The following ARHGAP42 variants were observed in gnomAD, a reference collection of about 807,000 sequenced individuals.
The protein encoded by ARHGAP42 is rho GTPase-activating protein 42.
Under a neutral mutation model 125.0 loss-of-function variants are expected in ARHGAP42, and 63 were observed. The ratio of observed to expected loss-of-function variants is 0.50; its 90% confidence interval spans 0.41 to 0.62. The LOEUF (loss-of-function observed/expected upper bound fraction) is 0.62. ARHGAP42 is among the 20% of genes least tolerant of loss of function. The pLI is 0.00. For missense variants in ARHGAP42, 766 were observed against 1,024.2 expected (o/e 0.75, Z 3.44); for synonymous variants, 339 against 351.0 (o/e 0.97, Z 0.38).
At chr11:100,776,812 A>G (rs1036504828) in intron 2 of ARHGAP42, among the ~76,000 whole-genome samples, 3 of 151,920 alleles carry the variant, frequency 2.0e-5, no homozygotes, top group African/African-American at 4.8e-5. Context: ...GTGAAACCCC[A>G]TCTCTTCTAA....
chr11:100,794,969 T>C lies in ARHGAP42; in HGVS notation c.251-136T>C, dbSNP rs1293802719. 5 of 565,400 alleles carry C rather than the reference T, an allele frequency of 8.8e-6. No individual in the cohort carries two copies. In the East Asian group the frequency reaches 1.2e-4, roughly 14 times the overall value. 35.0% of individuals were successfully genotyped at this position (565,400 alleles called of 1,614,324 possible). On this transcript the variant is annotated intron_variant, in intron 2 of 23. Coordinates refer to ENST00000298815, the MANE Select transcript of ARHGAP42 (RefSeq NM_152432.4). Reference sequence around the variant, plus strand: ...ACAAACATAAAATCACAGAATATAGTATATTCAAATTAATAGTATACAGAA... The same window carrying C: ...ACAAACATAAAATCACAGAATATAGCATATTCAAATTAATAGTATACAGAA...
intron 6 of ARHGAP42, among the ~76,000 whole-genome samples, chr11:100,923,292 T>C (rs1483946743): frequency 6.6e-6 from 1 of 152,236 alleles, no homozygotes; most frequent in Non-Finnish European, 1.5e-5. Context: ...CCAAACCATC[T>C]GAGACTCCAT....
intron 3 of ARHGAP42, among the ~76,000 whole-genome samples, chr11:100,837,831 T>A (rs1412259548): frequency 6.6e-6 from 1 of 150,862 alleles, no homozygotes; most frequent in Non-Finnish European, 1.5e-5. Context: ...TTTTTGGCCA[T>A]CTTGGATTTA....
At chr11:100,882,575 T>A (rs1042017434) in intron 4 of ARHGAP42, among the ~76,000 whole-genome samples, 1 of 152,080 alleles carries the variant, frequency 6.6e-6, no homozygotes, top group Non-Finnish European at 1.5e-5. Context: ...TTTGGTTTTT[T>A]CCTTTCCTGG....
rs524811 is a variant in ARHGAP42, at chr11:100,988,708, G to A, written c.2537-5G>A. ...TGAGTGCTATTTATTTATTTATTTT[G>A]CCAGTGTACCCATCAGTGGAACCAG... On this transcript the variant is annotated splice_region_variant and splice_polypyrimidine_tract_variant and intron_variant, in intron 23 of 23. Coordinates refer to ENST00000298815, the MANE Select transcript of ARHGAP42 (RefSeq NM_152432.4). 0.15 allele frequency: 231,942 copies of A among 1,541,002 alleles called. 21,791 individuals carry two copies. Among genetic ancestry groups the A allele is most frequent in the East Asian group, 0.38 (15,391 of 40,742 alleles).
intron 17 of ARHGAP42, among the ~76,000 whole-genome samples, chr11:100,971,402 C>G (rs963657158): frequency 1.3e-5 from 2 of 152,106 alleles, no homozygotes; most frequent in South Asian, 4.1e-4. Context: ...TACATTTCCT[C>G]TTTTAATAAA....
At chr11:100,700,097 C>G (rs1242071874) in intron 1 of ARHGAP42, among the ~76,000 whole-genome samples, 1 of 152,078 alleles carries the variant, frequency 6.6e-6, no homozygotes, top group East Asian at 1.9e-4. Context: ...GTGAATATCA[C>G]AATACAGTGA....
At chr11:100,749,524 C>T (rs1015410504) in intron 1 of ARHGAP42, among the ~76,000 whole-genome samples, 1 of 152,106 alleles carries the variant, frequency 6.6e-6, no homozygotes, top group Non-Finnish European at 1.5e-5. Context: ...CCAGGGATGT[C>T]TCGCCTTGCC....
intron 3 of ARHGAP42, among the ~76,000 whole-genome samples, chr11:100,805,527 G>A (rs976390246): frequency 6.6e-6 from 1 of 152,148 alleles, no homozygotes; most frequent in African/African-American, 2.4e-5. Context: ...GACAGAATTT[G>A]GGGCGAGTCT....
chr11:100,890,617 A>G (rs1866193837), intron 4 of ARHGAP42, among the ~76,000 whole-genome samples: 1 of 152,236 alleles, frequency 6.6e-6, no homozygotes, highest in Non-Finnish European at 1.5e-5. Context: ...GTCACATTAT[A>G]TCGAATAGAT....
At chr11:100,956,966 A>G (rs1010382882) in intron 12 of ARHGAP42, among the ~76,000 whole-genome samples, 6 of 152,154 alleles carry the variant, frequency 3.9e-5, no homozygotes, top group East Asian at 3.8e-4. Context: ...TGAAATTTAC[A>G]TATGTAGAGA....
intron 3 of ARHGAP42, among the ~76,000 whole-genome samples, chr11:100,806,974 A>G (rs937891057): frequency 2.0e-5 from 3 of 151,592 alleles, no homozygotes; most frequent in South Asian, 2.1e-4. Context: ...TGACCTCCCA[A>G]GTAGCTGCCA....
chr11:100,945,517 A>C (rs1297537817), intron 10 of ARHGAP42, among the ~76,000 whole-genome samples: 2 of 152,108 alleles, frequency 1.3e-5, no homozygotes, highest in Admixed American at 1.3e-4. Context: ...CTTAAATAAT[A>C]AGACTCAGAA....
intron 1 of ARHGAP42, among the ~76,000 whole-genome samples, chr11:100,728,553 T>C (rs1324557667): frequency 1.3e-5 from 2 of 151,940 alleles, no homozygotes; most frequent in Non-Finnish European, 2.9e-5. Context: ...TGAGGAATAA[T>C]TGTAGCACTT....
chr11:100,829,726 T>C (rs1187845940), intron 3 of ARHGAP42, among the ~76,000 whole-genome samples: 1 of 152,248 alleles, frequency 6.6e-6, no homozygotes, highest in African/African-American at 2.4e-5. Context: ...TTGTATGTTA[T>C]TTTCCCCCTT....
intron 6 of ARHGAP42, among the ~76,000 whole-genome samples, chr11:100,926,832 T>G (rs1427663245): frequency 1.3e-5 from 2 of 152,240 alleles, no homozygotes; most frequent in South Asian, 2.1e-4. Context: ...CCTTTGTTAG[T>G]TGTGGCTTTA....
In ARHGAP42 at chr11:100,866,702, C is replaced by T. The variant is rs574349235; in HGVS notation, c.384+7077C>T. ...CAAACAACCAGATCCCATGAGAGCTCACTCTCATGAGACTAGCAAGGGGGA... is the reference window on the plus strand; with the variant it reads ...CAAACAACCAGATCCCATGAGAGCTTACTCTCATGAGACTAGCAAGGGGGA... On this transcript the variant is annotated intron_variant, in intron 4 of 23. Coordinates refer to ENST00000298815, the MANE Select transcript of ARHGAP42 (RefSeq NM_152432.4). Among the ~76,000 whole-genome samples, 3 of 152,250 alleles carry T rather than the reference C, an allele frequency of 2.0e-5. No individual in the cohort carries two copies. The South Asian group carries it at 6.2e-4, about 32-fold the overall frequency.
chr11:100,701,157 T>A (rs1452146015), intron 1 of ARHGAP42, among the ~76,000 whole-genome samples: 1 of 152,120 alleles, frequency 6.6e-6, no homozygotes, highest in Non-Finnish European at 1.5e-5. Flanking sequence ...TTTTTTTTTT[T>A]TTTCTGAGCA....
intron 3 of ARHGAP42, among the ~76,000 whole-genome samples, chr11:100,797,368 G>C (rs953560037): frequency 6.6e-6 from 1 of 152,158 alleles, no homozygotes; most frequent in Non-Finnish European, 1.5e-5. Context: ...AAAGTAGTCA[G>C]TGTCTGGCTT....
Sources: allele counts gnomAD v4.1 joint callset (sites outside exome capture counted in the v4.1 genomes callset), GRCh38; gene constraint gnomAD v4.1.1; transcripts MANE v1.5; gene names NCBI Gene and HGNC (gene_info 2026-07-23, HGNC 2026-07-21).